Variants in SMAP1 observed in about 807,000 individuals in gnomAD.
The protein encoded by SMAP1 is stromal membrane-associated protein 1.
In SMAP1, 24 loss-of-function variants were observed where a neutral mutation model predicts 58.5. The observed-to-expected ratio is 0.41, with a 90% CI of 0.30 to 0.58. SMAP1 has a LOEUF of 0.58. Among genes scored for constraint, SMAP1 ranks in the 20% least tolerant of loss-of-function variants. The pLI is 0.29. For synonymous variants in SMAP1, 216 were observed against 196.6 expected, an observed-to-expected ratio of 1.10 and a Z score of -0.82; for missense variants, 563 against 566.3, an observed-to-expected ratio of 0.99 and a Z score of 0.06.
At chr6:70,671,395 C>A (rs1766258120) in intron 1 of SMAP1, among the ~76,000 whole-genome samples, 1 of 152,076 alleles carries the variant, frequency 6.6e-6, no homozygotes. Context: ...CATAGTGAAA[C>A]CCCGTCTCCA....
chr6:70,845,639 G>C (rs1300517088), intron 7 of SMAP1, among the ~76,000 whole-genome samples: 1 of 152,238 alleles, frequency 6.6e-6, no homozygotes, highest in Non-Finnish European at 1.5e-5. Context: ...GATAAATGCA[G>C]CTTTTAGAGC....
chr6:70,852,542 G>T lies in SMAP1; in HGVS notation c.667G>T (p.Gly223Cys), dbSNP rs748894950. The T allele has an allele frequency of 5.1e-6, 8 of 1,573,666 alleles. No homozygotes were observed. Among genetic ancestry groups the T allele is most frequent in the Non-Finnish European group, 6.0e-6 (7 of 1,162,422 alleles). Residue 223 changes from glycine to cysteine, a missense_variant and splice_region_variant, in exon 8 of 11, where the codon GGC (glycine) becomes TGC (cysteine). Coordinates refer to ENST00000370455, the MANE Select transcript of SMAP1 (RefSeq NM_001044305.3). Reference sequence around the variant, plus strand: ...ACGAGAATCTATATTCTTTTCAGATGGCCCTGCTGTGGCACCAGTGACCAA... The same window carrying T: ...ACGAGAATCTATATTCTTTTCAGATTGCCCTGCTGTGGCACCAGTGACCAA... ...EPTVDLLGLD[G>C]PAVAPVTNGN...
At chr6:70,731,778 G>A (rs1765441097) in intron 1 of SMAP1, among the ~76,000 whole-genome samples, 1 of 152,110 alleles carries the variant, frequency 6.6e-6, no homozygotes, top group Non-Finnish European at 1.5e-5. Flanking sequence ...CCAACAATTA[G>A]TAGTTAAAAA....
chr6:70,757,197 C>G (rs939528916), intron 3 of SMAP1, among the ~76,000 whole-genome samples: 3 of 149,696 alleles, frequency 2.0e-5, no homozygotes, highest in Non-Finnish European at 4.5e-5. Flanking sequence ...CAGAACAGAG[C>G]CCTCAGAAAT....
intron 1 of SMAP1, among the ~76,000 whole-genome samples, chr6:70,720,332 C>T (rs867690558): frequency 2.0e-5 from 3 of 152,172 alleles, no homozygotes; most frequent in South Asian, 2.1e-4. Context: ...TGGTCTTGGG[C>T]GGCTCTGCCC....
intron 4 of SMAP1, among the ~76,000 whole-genome samples, chr6:70,781,597 A>G (rs910010389): frequency 5.3e-5 from 8 of 152,214 alleles, no homozygotes; most frequent in Admixed American, 3.3e-4. Flanking sequence ...TCCATTGCCA[A>G]TAATTAATCT....
intron 7 of SMAP1, 76 bp downstream of exon 7, chr6:70,837,104 C>CATACTCAAGATAAAGCCA: frequency 8.9e-7 from 1 of 1,119,660 alleles, no homozygotes; most frequent in Non-Finnish European, 1.2e-6. Flanking sequence ...AATATAATGG[C>CATACTCAAGATAAAGCCA]TTTATCTTGA....
chr6:70,823,761 T>C (rs548769653), intron 6 of SMAP1, among the ~76,000 whole-genome samples: 1 of 152,122 alleles, frequency 6.6e-6, no homozygotes, highest in African/African-American at 2.4e-5. Flanking sequence ...TATTATTTTT[T>C]ATTTTTATTT....
chr6:70,860,507 A>T lies in SMAP1; in HGVS notation c.*173A>T. The stretch of plus-strand genomic sequence containing the variant: ...TACTGATTCAATTTGATGTGGTGAA[A>T]AGCAGGTTGATAAATCATTTTATGT... On this transcript the variant is annotated 3_prime_UTR_variant, in exon 11 of 11. Coordinates refer to ENST00000370455, the MANE Select transcript of SMAP1 (RefSeq NM_001044305.3). 6.5e-6 allele frequency: 4 copies of T among 618,596 alleles called. No homozygotes were observed. The highest frequency in any genetic ancestry group is 9.6e-6 in the Non-Finnish European group (4 of 415,066). 38.3% of individuals were successfully genotyped at this position (618,596 alleles called of 1,614,324 possible).
chr6:70,673,514 G>T (rs1418521316), intron 1 of SMAP1, among the ~76,000 whole-genome samples: 2 of 152,144 alleles, frequency 1.3e-5, no homozygotes, highest in African/African-American at 4.8e-5. Context: ...CAATCCAAGA[G>T]TTCATGTTTT....
chr6:70,785,550 G>A (rs1051285287), intron 4 of SMAP1, among the ~76,000 whole-genome samples: 8 of 152,072 alleles, frequency 5.3e-5, no homozygotes, highest in East Asian at 1.9e-4. Flanking sequence ...TTGATAGACC[G>A]CTAGCAGGAC....
At chr6:70,811,226 T>TAGA (rs1769373543) in intron 6 of SMAP1, among the ~76,000 whole-genome samples, 1 of 152,184 alleles carries the variant, frequency 6.6e-6, no homozygotes, top group Non-Finnish European at 1.5e-5. Context: ...TTTTTGGACA[T>TAGA]TTCTGAGTAC....
At chr6:70,678,480 G>A (rs967694381) in intron 1 of SMAP1, among the ~76,000 whole-genome samples, 1 of 152,088 alleles carries the variant, frequency 6.6e-6, no homozygotes, top group East Asian at 1.9e-4. Context: ...GGTGATGATG[G>A]TGCACAGTGA....
At chr6:70,669,779 A>G (rs192642743) in intron 1 of SMAP1, among the ~76,000 whole-genome samples, 1 of 152,240 alleles carries the variant, frequency 6.6e-6, no homozygotes, top group African/African-American at 2.4e-5. Context: ...TGTTCATTAA[A>G]AGTCGAATAG....
rs75905553 is a variant in SMAP1, at chr6:70,859,203, C to A, written c.1269+974C>A. On this transcript the variant is annotated intron_variant, in intron 10 of 10. Coordinates refer to ENST00000370455, the MANE Select transcript of SMAP1 (RefSeq NM_001044305.3). Reference sequence around the variant, plus strand: ...TATAGGTAAAACATTGGTCTCTACCCGCTGGGAATCTAAAAAATTGTATGT... The same window carrying A: ...TATAGGTAAAACATTGGTCTCTACCAGCTGGGAATCTAAAAAATTGTATGT... The A allele has an allele frequency of 4.9e-4, 295 of 602,724 alleles. 4 individuals carry two copies. In the African/African-American group the frequency reaches 5.2e-3, roughly 11 times the overall value. The allele number at this position is 602,724 out of a possible 1,614,324, so 37.3% of individuals were successfully genotyped here.
At chr6:70,686,673 GCTT>G (rs1581998990) in intron 1 of SMAP1, among the ~76,000 whole-genome samples, 1 of 152,046 alleles carries the variant, frequency 6.6e-6, no homozygotes, top group Admixed American at 6.6e-5. Context: ...GTACAATTGG[GCTT>G]CTTAAATATT....
chr6:70,828,542 G>T (rs545679995), intron 6 of SMAP1, among the ~76,000 whole-genome samples: 1 of 152,202 alleles, frequency 6.6e-6, no homozygotes, highest in South Asian at 2.1e-4. Flanking sequence ...CTTCCTCACT[G>T]CAGTTCATAT....
chr6:70,787,294 T>G (rs1248127546), intron 4 of SMAP1, among the ~76,000 whole-genome samples: 1 of 152,112 alleles, frequency 6.6e-6, no homozygotes, highest in African/African-American at 2.4e-5. Context: ...ATACAAAAAT[T>G]AATTCAAGAT....
At chr6:70,834,686 A>G (rs1770498813) in intron 6 of SMAP1, among the ~76,000 whole-genome samples, 1 of 152,248 alleles carries the variant, frequency 6.6e-6, no homozygotes, top group Non-Finnish European at 1.5e-5. Context: ...TGAAGTTTGC[A>G]TGCTCGTGGC....
Sources: allele counts gnomAD v4.1 joint callset (sites outside exome capture counted in the v4.1 genomes callset), GRCh38; gene constraint gnomAD v4.1.1; transcripts MANE v1.5; gene names NCBI Gene and HGNC (gene_info 2026-07-23, HGNC 2026-07-21).